The following FRMD4A variants were observed in gnomAD, a reference collection of about 807,000 sequenced individuals.
FRMD4A encodes FERM domain-containing protein 4A.
A neutral mutation model predicts 129.1 loss-of-function variants in FRMD4A; 29 were observed. The ratio of observed to expected loss-of-function variants is 0.22; its 90% CI spans 0.17 to 0.31. The LOEUF (loss-of-function observed/expected upper bound fraction) is 0.31, where lower values mean the gene tolerates loss of function less well. FRMD4A is among the 10% of genes least tolerant of loss of function. The pLI is 1.00. For synonymous variants in FRMD4A, 634 were observed against 571.6 expected (o/e 1.11, Z -1.56); for missense variants, 1,272 against 1,375.8 (o/e 0.92, Z 1.19).
chr10:13,762,028 T>C (rs1273536610), intron 7 of FRMD4A, among the ~76,000 whole-genome samples: 1 of 152,360 alleles, frequency 6.6e-6, no homozygotes, highest in East Asian at 1.9e-4. Context: ...TTTTGGTTTG[T>C]ATTTTATGCT....
At chr10:14,263,625 G>A (rs1483834041) in intron 2 of FRMD4A, among the ~76,000 whole-genome samples, 1 of 152,170 alleles carries the variant, frequency 6.6e-6, no homozygotes, top group East Asian at 1.9e-4. Context: ...TGCTGGGACT[G>A]TAATAGAGGT....
intron 2 of FRMD4A, among the ~76,000 whole-genome samples, chr10:14,176,078 C>G (rs942689754): frequency 6.6e-6 from 1 of 152,142 alleles, no homozygotes; most frequent in Non-Finnish European, 1.5e-5. Flanking sequence ...TTAGGGATCC[C>G]TAATATTTTC....
At chr10:14,237,101 G>A (rs1843851366) in intron 2 of FRMD4A, among the ~76,000 whole-genome samples, 1 of 151,428 alleles carries the variant, frequency 6.6e-6, no homozygotes, top group African/African-American at 2.4e-5. Context: ...TTGAACTCCT[G>A]GCCTTAAGCA....
At chr10:13,738,422 C>T (rs994098007) in intron 11 of FRMD4A, among the ~76,000 whole-genome samples, 11 of 152,142 alleles carry the variant, frequency 7.2e-5, no homozygotes, top group Non-Finnish European at 1.3e-4. Context: ...CAACAAATCA[C>T]AGCAAAGAGT....
intron 2 of FRMD4A, among the ~76,000 whole-genome samples, chr10:13,932,212 T>C (rs143713678): frequency 6.6e-6 from 1 of 152,362 alleles, no homozygotes; most frequent in African/African-American, 2.4e-5. Flanking sequence ...CTTTAGAATC[T>C]AGCACAGTAA....
intron 2 of FRMD4A, among the ~76,000 whole-genome samples, chr10:14,189,832 A>G (rs1589147420): frequency 6.6e-6 from 1 of 152,218 alleles, no homozygotes; most frequent in Admixed American, 6.5e-5. Flanking sequence ...ATGCTCATTA[A>G]TGAGAACAAT....
At chr10:14,313,626 G>T (rs1589298551) in intron 2 of FRMD4A, among the ~76,000 whole-genome samples, 1 of 64,114 alleles carries the variant, frequency 1.6e-5, no homozygotes, top group South Asian at 4.2e-4. Context: ...CTCAGATTTG[G>T]ACAGGAATCT....
At chr10:14,221,704 T>C (rs1843266428) in intron 2 of FRMD4A, among the ~76,000 whole-genome samples, 1 of 139,176 alleles carries the variant, frequency 7.2e-6, no homozygotes, top group Admixed American at 7.7e-5. Flanking sequence ...GAACTACAGG[T>C]ACACAGTACC....
chr10:14,065,901 CG>C (rs1835031806), intron 2 of FRMD4A, among the ~76,000 whole-genome samples: 1 of 152,202 alleles, frequency 6.6e-6, no homozygotes, highest in South Asian at 2.1e-4. Flanking sequence ...TGGAGATACC[CG>C]GGGTCCTAGC....
intron 15 of FRMD4A, among the ~76,000 whole-genome samples, chr10:13,679,787 G>A (rs746165713): frequency 1.3e-5 from 2 of 152,102 alleles, no homozygotes; most frequent in African/African-American, 4.8e-5. Context: ...CTCAGGGCTT[G>A]TCTGATCTGA....
intron 12 of FRMD4A, among the ~76,000 whole-genome samples, chr10:13,720,357 G>A (rs577490601): frequency 7.9e-5 from 12 of 152,272 alleles, no homozygotes; most frequent in Admixed American, 7.2e-4. Context: ...CCCCAGTTAT[G>A]TTCTTAAAGC....
intron 2 of FRMD4A, among the ~76,000 whole-genome samples, chr10:14,043,113 A>T (rs182021422): frequency 5.3e-5 from 8 of 152,090 alleles, no homozygotes; most frequent in Middle Eastern, 6.8e-3. Flanking sequence ...GAGAGAAAAA[A>T]TTTTTTAAAG....
intron 5 of FRMD4A, among the ~76,000 whole-genome samples, chr10:13,790,860 A>G (rs1368091496): frequency 6.6e-6 from 1 of 152,106 alleles, no homozygotes; most frequent in Non-Finnish European, 1.5e-5. Flanking sequence ...TGCATCACAG[A>G]GGACGTTTTC....
At chr10:14,194,333 G>T (rs1396213558) in intron 2 of FRMD4A, among the ~76,000 whole-genome samples, 1 of 152,144 alleles carries the variant, frequency 6.6e-6, no homozygotes, top group Non-Finnish European at 1.5e-5. Flanking sequence ...GGAGGAGGCC[G>T]GGTGCAGTGG....
intron 14 of FRMD4A, among the ~76,000 whole-genome samples, chr10:13,694,928 G>A (rs1440403931): frequency 1.3e-5 from 2 of 152,028 alleles, no homozygotes; most frequent in Admixed American, 6.5e-5. Flanking sequence ...CTGCTCATTT[G>A]GATTCTGGGG....
At chr10:14,136,142 A>G (rs779705237) in intron 2 of FRMD4A, among the ~76,000 whole-genome samples, 43 of 152,302 alleles carry the variant, frequency 2.8e-4, no homozygotes, top group Non-Finnish European at 5.1e-4. Flanking sequence ...TGAGACAGTG[A>G]GAGAAACTCA....
chr10:14,202,059 A>C (rs1589160817), intron 2 of FRMD4A, among the ~76,000 whole-genome samples: 1 of 151,738 alleles, frequency 6.6e-6, no homozygotes, highest in Admixed American at 6.6e-5. Context: ...AATTGCTTGA[A>C]CCCGGGAGGG....
At chr10:13,925,803 T>C (rs1235228532) in intron 2 of FRMD4A, among the ~76,000 whole-genome samples, 1 of 151,620 alleles carries the variant, frequency 6.6e-6, no homozygotes, top group Non-Finnish European at 1.5e-5. Context: ...CAGGATGGTC[T>C]AGATCTCCTG....
At chr10:14,296,693 C>A (rs998440440) in intron 2 of FRMD4A, among the ~76,000 whole-genome samples, 1 of 152,220 alleles carries the variant, frequency 6.6e-6, no homozygotes, top group African/African-American at 2.4e-5. Context: ...CATTTATATT[C>A]TTGAGTCGTT....
Sources: gnomAD v4.1 joint callset for allele counts (sites outside exome capture counted in the v4.1 genomes callset) on GRCh38, gnomAD v4.1.1 for gene constraint, MANE v1.5 for transcripts, NCBI Gene and HGNC (gene_info 2026-07-23, HGNC 2026-07-21) for gene names.